The following ZNF831 variants were observed in gnomAD, a reference collection of about 807,000 sequenced individuals.
ZNF831 encodes the protein chromosome 20 open reading frame 174.
A neutral mutation model predicts 95.8 loss-of-function variants in ZNF831; 59 were observed. The observed-to-expected ratio is 0.62, with a 90% CI of 0.50 to 0.77. The LOEUF (loss-of-function observed/expected upper bound fraction) is 0.77, where lower values mean the gene tolerates loss of function less well. ZNF831 is among the 30% of genes least tolerant of loss of function. The pLI, the probability that ZNF831 is intolerant of heterozygous loss-of-function variation, is 0.00. For missense variants in ZNF831, 2,205 were observed against 2,164.0 expected, an observed-to-expected ratio of 1.02 and a Z score of -0.38; for synonymous variants, 961 against 925.5, an observed-to-expected ratio of 1.04 and a Z score of -0.70.
Position 59,254,904 on chromosome 20 carries a change from C to A in ZNF831, c.*161C>A. On this transcript the variant is annotated 3_prime_UTR_variant, in exon 6 of 6. Transcript: ENST00000371030. The surrounding 1 kb of genome is among the most constrained non-coding windows in gnomAD (Gnocchi z 4.5). ...AAGCCAACTCCAACCAACTTCTGAC[C>A]CCCAACTCAGCCGCAGCGTTCCCCA... 2.0e-6 allele frequency: 2 copies of A among 978,806 alleles called. No homozygotes were observed. The highest frequency in any genetic ancestry group is 3.0e-6 in the Non-Finnish European group (2 of 676,826). 60.6% of individuals were successfully genotyped at this position (978,806 alleles called of 1,614,324 possible). A position where few individuals can be genotyped will look rare whatever the true frequency, so the allele number is the denominator to read the frequency against.
intron 4 of ZNF831, among the ~76,000 whole-genome samples, chr20:59,250,264 C>G (rs1416611687): frequency 6.6e-6 from 1 of 152,166 alleles, no homozygotes; most frequent in African/African-American, 2.4e-5. Flanking sequence ...AATGTGAATA[C>G]TGCATATGAG....
intron 4 of ZNF831, among the ~76,000 whole-genome samples, chr20:59,223,518 G>C (rs1215578337): frequency 1.3e-5 from 2 of 152,222 alleles, no homozygotes; most frequent in African/African-American, 2.4e-5. Flanking sequence ...TGCTCCAGCG[G>C]CTACGGGAAC....
In ZNF831 at chr20:59,248,907, A is replaced by C. The variant is rs114993550; in HGVS notation, c.4028-4071A>C. On this transcript the variant is annotated intron_variant, in intron 4 of 5. Coordinates refer to ENST00000371030, the MANE Select transcript of ZNF831 (RefSeq NM_178457.3). ...TAGTAAGCTTGTAACTGTTTTTCCC[A>C]CCTCTCCTCACCTCTCTCCCGAGTT... Among the ~76,000 whole-genome samples, 918 of 151,296 alleles carry C rather than the reference A, an allele frequency of 6.1e-3. 10 individuals carry two copies. Among genetic ancestry groups the C allele is most frequent in the African/African-American group, 0.021 (874 of 41,176 alleles).
chr20:59,254,267 G>A lies in ZNF831; in HGVS notation c.4558G>A (p.Ala1520Thr), dbSNP rs756283676. 2.5e-6 allele frequency: 4 copies of A among 1,614,050 alleles called. No homozygotes were observed. The highest frequency in any genetic ancestry group is 3.3e-5 in the Admixed American group (2 of 60,022). ...SAESRDHSQT[A>T]GRTLTSSSPD... ...TGAATCACGAGACCACAGCCAGACT[G>A]CAGGGAGGACTCTGACATCAAGCTC... Residue 1520 changes from alanine (A) to threonine (T), a missense_variant, in exon 6 of 6, where the codon GCA becomes ACA. Ala to Thr is a moderately conservative substitution (Grantham distance 58). Coordinates refer to ENST00000371030, the MANE Select transcript of ZNF831 (RefSeq NM_178457.3). This position sits in a 1 kb window ranked among gnomAD's most constrained non-coding sequence, Gnocchi z 4.5.
chr20:59,153,098 C>T (rs1980337179), intron 2 of ZNF831, among the ~76,000 whole-genome samples: 1 of 152,136 alleles, frequency 6.6e-6, no homozygotes, highest in Non-Finnish European at 1.5e-5. Context: ...TTTGCCATCG[C>T]CACCATCCTC....
At position 59,191,377 on chromosome 20, in the gene ZNF831, A is replaced by T. The variant is rs1335285245; in HGVS notation, c.358A>T (p.Thr120Ser). The part of the protein sequence containing the change: ...APTLTVNIVG[T>S]LPVLSPGLGP... ...TACGCTGACGGTGAACATCGTGGGC[A>T]CTCTGCCTGTCCTGTCGCCGGGCCT... Residue 120 changes from threonine (T) to serine (S), a missense_variant, in exon 2 of 6, where the codon ACT becomes TCT. Thr to Ser is a moderately conservative substitution (Grantham distance 58). Transcript: ENST00000371030. 11 of 1,609,182 alleles carry T rather than the reference A, an allele frequency of 6.8e-6. No homozygotes were observed. The highest frequency in any genetic ancestry group is 9.3e-6 in the Non-Finnish European group (11 of 1,177,932).
chr20:59,247,863 A>G (rs1235133673), intron 4 of ZNF831, among the ~76,000 whole-genome samples: 2 of 152,250 alleles, frequency 1.3e-5, no homozygotes, highest in African/African-American at 4.8e-5. Context: ...GTGCGTTTAT[A>G]GCATTTTAAT....
chr20:59,135,347 A>G (rs1979467667), intron 1 of ZNF831, among the ~76,000 whole-genome samples: 1 of 151,950 alleles, frequency 6.6e-6, no homozygotes, highest in African/African-American at 2.4e-5. Flanking sequence ...AGCACTTTGG[A>G]GGCGAGATTG....
intron 1 of ZNF831, among the ~76,000 whole-genome samples, chr20:59,172,386 C>A (rs773768978): frequency 2.6e-5 from 4 of 152,192 alleles, no homozygotes; most frequent in South Asian, 4.1e-4. Context: ...AATGAGGGAG[C>A]CTGTCTCAAT....
chr20:59,213,350 C>T (rs962850160), intron 4 of ZNF831, among the ~76,000 whole-genome samples: 6 of 152,066 alleles, frequency 3.9e-5, no homozygotes, highest in Non-Finnish European at 7.4e-5. Context: ...TTGGTTTTGT[C>T]GTTTTTCCAG....
rs1027337822 is a variant in ZNF831, at chr20:59,191,062, G to T, written c.43G>T (p.Asp15Tyr). ...EPTCPAPPAR[D>Y]QPAPTPGPPG... ...CACCTGCCCTGCCCCTCCTGCGAGG[G>T]ACCAGCCAGCTCCCACTCCTGGCCC... The change falls in exon 2 of 6, where the codon GAC (aspartate) becomes TAC (tyrosine). Residue 15 changes from aspartate (D) to tyrosine (Y), a missense_variant. Physicochemically the swap from Asp to Tyr is radical, Grantham distance 160. Coordinates refer to ENST00000371030, the MANE Select transcript of ZNF831 (RefSeq NM_178457.3). 2 of 1,506,584 alleles carry T rather than the reference G, an allele frequency of 1.3e-6. No individual in the cohort carries two copies. Among genetic ancestry groups the T allele is most frequent in the South Asian group, 2.6e-5 (2 of 75,654 alleles). The allele number at this position is 1,506,584 out of a possible 1,614,324, so 93.3% of individuals were successfully genotyped here. A position where few individuals can be genotyped will look rare whatever the true frequency, so the allele number is the denominator to read the frequency against.
At chr20:59,209,169 C>T (rs1014461069) in intron 4 of ZNF831, among the ~76,000 whole-genome samples, 1 of 152,196 alleles carries the variant, frequency 6.6e-6, no homozygotes. Flanking sequence ...AGGATGTCGA[C>T]GGTCTGTCAG....
chr20:59,170,565 T>C (rs1232387523), intron 1 of ZNF831, among the ~76,000 whole-genome samples: 4 of 152,204 alleles, frequency 2.6e-5, no homozygotes, highest in African/African-American at 7.2e-5. Flanking sequence ...TGGTCTATCT[T>C]GATGTAGCAG....
Position 59,194,088 on chromosome 20 carries a change from G to A in ZNF831, c.3069G>A (p.Gly1023=), listed in dbSNP as rs762652888. 4 of 1,541,528 alleles carry A rather than the reference G, an allele frequency of 2.6e-6. No homozygotes were observed. In the Admixed American group the frequency reaches 7.8e-5, roughly 30 times the overall value. ...PQDGRKGAQL[G]GDKGDRMATS... The stretch of plus-strand genomic sequence containing the variant: ...ATGGGAGAAAAGGGGCACAGTTGGG[G>A]GGGGACAAGGGGGACAGGATGGCCA... The change falls in exon 2 of 6, where the codon GGG becomes GGA. Residue 1023 remains glycine, a synonymous_variant. Transcript: ENST00000371030.
intron 4 of ZNF831, among the ~76,000 whole-genome samples, chr20:59,219,126 G>A (rs551551307): frequency 3.9e-5 from 6 of 152,310 alleles, no homozygotes; most frequent in African/African-American, 1.4e-4. Flanking sequence ...CAGACATGGG[G>A]AAACCATCTT....
intron 3 of ZNF831, among the ~76,000 whole-genome samples, chr20:59,197,867 G>C (rs1028876775): frequency 1.3e-5 from 2 of 151,418 alleles, no homozygotes; most frequent in Non-Finnish European, 3.0e-5. Flanking sequence ...GCGGGGCTCT[G>C]GGAAACAAGG....
intron 4 of ZNF831, among the ~76,000 whole-genome samples, chr20:59,222,998 AC>A (rs1262532692): frequency 6.6e-6 from 1 of 152,116 alleles, no homozygotes; most frequent in Non-Finnish European, 1.5e-5. Context: ...CCCGCACCAG[AC>A]GACCCCAGCC....
At position 59,192,865 on chromosome 20, in the gene ZNF831, T is replaced by TAA; in HGVS notation, c.1846_1847insAA (p.Ser616Ter). 6.2e-7 allele frequency: 1 copy of TAA among 1,601,198 alleles called. No individual in the cohort carries two copies. The highest frequency in any genetic ancestry group is 8.5e-7 in the Non-Finnish European group (1 of 1,173,888). The change falls in exon 2 of 6, where the codon TCC becomes TAACC. Residue 616 changes from serine to a stop codon, truncating the protein, a stop_gained and frameshift_variant. Coordinates refer to ENST00000371030, the MANE Select transcript of ZNF831 (RefSeq NM_178457.3). LOFTEE classifies it high-confidence loss of function. This position sits in a 1 kb window ranked among gnomAD's most constrained non-coding sequence, Gnocchi z 5.2. ...KCGQRRLKMF[S>*]QEKWQVYGDE... ...CGGCCAGAGAAGGCTGAAGATGTTC[T>TAA]CCCAGGAGAAGTGGCAGGTGTACGG...
chr20:59,258,297 C>T lies in ZNF831; in HGVS notation c.*3554C>T, dbSNP rs145266053. On this transcript the variant is annotated 3_prime_UTR_variant, in exon 6 of 6. Coordinates refer to ENST00000371030, the MANE Select transcript of ZNF831 (RefSeq NM_178457.3). ...GAAATCACTCTTCTAAAGCTGAGAC[C>T]GGAAGAGGAACCTTGCAGAAGTGCA... 42 of 152,672 alleles carry T rather than the reference C, an allele frequency of 2.8e-4. No homozygotes were observed. The highest frequency in any genetic ancestry group is 1.2e-3 in the East Asian group (6 of 5,184). 9.5% of individuals were successfully genotyped at this position (152,672 alleles called of 1,614,324 possible).
Sources: gnomAD v4.1 joint callset for allele counts (sites outside exome capture counted in the v4.1 genomes callset) on GRCh38, gnomAD v4.1.1 for gene constraint, Gnocchi (gnomAD v3.1) non-coding constraint, MANE v1.5 for transcripts, NCBI Gene and HGNC (gene_info 2026-07-23, HGNC 2026-07-21) for gene names.